Variants in FCHO2 observed in about 807,000 individuals in gnomAD.
The protein encoded by FCHO2 is FCH and mu domain containing endocytic adaptor 2, also known as F-BAR domain only protein 2.
Under a neutral mutation model 114.1 loss-of-function variants are expected in FCHO2, and 43 were observed. The ratio of observed to expected loss-of-function variants is 0.38; its 90% CI spans 0.30 to 0.49. The LOEUF (loss-of-function observed/expected upper bound fraction) is 0.49. FCHO2 is among the 20% of genes least tolerant of loss of function. The pLI is 0.97. For missense variants in FCHO2, 807 were observed against 950.4 expected (o/e 0.85, Z 1.98); for synonymous variants, 293 against 315.2 (o/e 0.93, Z 0.75).
chr5:73,041,316 G>A lies in FCHO2; in HGVS notation c.939+1G>A. 1 of 1,472,726 alleles carries A rather than the reference G, an allele frequency of 6.8e-7. No individual in the cohort carries two copies. The highest frequency in any genetic ancestry group is 9.4e-7 in the Non-Finnish European group (1 of 1,059,056). The allele number at this position is 1,472,726 out of a possible 1,614,324, so 91.2% of individuals were successfully genotyped here. On this transcript the variant is annotated splice_donor_variant, in intron 11 of 25. Transcript: ENST00000430046. LOFTEE classifies it high-confidence loss of function. ...GGAATGTCCTGATGCAGATTCATTGGTAAGTAGATTTAACTTTGATATAAA... is the reference window on the plus strand; with the variant it reads ...GGAATGTCCTGATGCAGATTCATTGATAAGTAGATTTAACTTTGATATAAA...
chr5:72,987,749 T>C (rs1753612211), intron 2 of FCHO2, among the ~76,000 whole-genome samples: 1 of 152,152 alleles, frequency 6.6e-6, no homozygotes, highest in Non-Finnish European at 1.5e-5. Flanking sequence ...ATTACTCTTG[T>C]AGTAATAGTA....
intron 10 of FCHO2, among the ~76,000 whole-genome samples, chr5:73,038,293 T>A (rs868450043): frequency 1.3e-5 from 2 of 152,186 alleles, no homozygotes; most frequent in Non-Finnish European, 2.9e-5. Flanking sequence ...GTTTTGCTCT[T>A]TTTTGTTTTA....
intron 7 of FCHO2, among the ~76,000 whole-genome samples, chr5:73,016,375 TA>T (rs1316214521): frequency 7.0e-6 from 1 of 141,922 alleles, no homozygotes; most frequent in Non-Finnish European, 1.5e-5. Context: ...ATTGTTTAAA[TA>T]TTAAAAAAGA....
intron 19 of FCHO2, among the ~76,000 whole-genome samples, chr5:73,070,855 T>G (rs1223339942): frequency 6.6e-6 from 1 of 152,052 alleles, no homozygotes; most frequent in Non-Finnish European, 1.5e-5. Flanking sequence ...TTGAAAATAT[T>G]TTCTTTTTCT....
intron 11 of FCHO2, among the ~76,000 whole-genome samples, chr5:73,048,987 C>T (rs1046347855): frequency 2.0e-5 from 3 of 150,376 alleles, no homozygotes; most frequent in Non-Finnish European, 3.0e-5. Flanking sequence ...CGCCATTCTC[C>T]TGCCTCAGCC....
At chr5:73,013,501 G>T (rs930729923) in intron 6 of FCHO2, among the ~76,000 whole-genome samples, 9 of 152,134 alleles carry the variant, frequency 5.9e-5, no homozygotes, top group African/African-American at 2.2e-4. Flanking sequence ...GTTTGAAAAT[G>T]GGTAGCTCAG....
Position 73,058,533 on chromosome 5 carries a change from A to T in FCHO2, c.1345+9A>T, listed in dbSNP as rs1358101808. ...AACTTCATCATCATCAGGTAAATAT[A>T]TATATGTATATATGTATTTTTTTAA... On this transcript the variant is annotated intron_variant, in intron 17 of 25. Coordinates refer to ENST00000430046, the MANE Select transcript of FCHO2 (RefSeq NM_138782.3). 1 of 982,472 alleles carries T rather than the reference A, an allele frequency of 1.0e-6. No homozygotes were observed. The highest frequency in any genetic ancestry group is 2.3e-5 in the South Asian group (1 of 43,324). The allele number at this position is 982,472 out of a possible 1,614,324, so 60.9% of individuals were successfully genotyped here.
At chr5:73,068,493 A>G (rs747995833) in intron 18 of FCHO2, among the ~76,000 whole-genome samples, 157 bp from the exon 19 acceptor site, 2 of 152,114 alleles carry the variant, frequency 1.3e-5, no homozygotes, top group Non-Finnish European at 2.9e-5. Flanking sequence ...GTATGTTCTT[A>G]AAAATGATAT....
chr5:73,061,278 G>A (rs1052584940), intron 17 of FCHO2, among the ~76,000 whole-genome samples: 1 of 151,962 alleles, frequency 6.6e-6, no homozygotes, highest in Non-Finnish European at 1.5e-5. Flanking sequence ...TGGACCTTCA[G>A]TTTTTCATAT....
intron 5 of FCHO2, among the ~76,000 whole-genome samples, chr5:72,992,504 C>T (rs1753859602): frequency 1.3e-5 from 2 of 152,138 alleles, no homozygotes; most frequent in Non-Finnish European, 2.9e-5. Context: ...CTAAAGTAGG[C>T]AGTGGGATTT....
chr5:73,054,487 AT>A, intron 14 of FCHO2, 37 bp from the exon 15 acceptor site: 1 of 1,511,638 alleles, frequency 6.6e-7, no homozygotes, highest in Non-Finnish European at 8.9e-7. Flanking sequence ...TATCAAATTC[AT>A]TTGTTTTATG....
intron 8 of FCHO2, among the ~76,000 whole-genome samples, chr5:73,024,732 C>T (rs189876753): frequency 7.9e-5 from 12 of 152,102 alleles, no homozygotes; most frequent in Non-Finnish European, 1.3e-4. Flanking sequence ...CCACCGCCCG[C>T]GGCCTAGCAG....
At chr5:73,054,255 T>A in intron 14 of FCHO2, 84 bp downstream of exon 14, 1 of 1,235,090 alleles carries the variant, frequency 8.1e-7, no homozygotes, top group Non-Finnish European at 1.1e-6. Context: ...ATATTTGTAT[T>A]AAATTTTTAG....
chr5:73,035,368 G>A (rs571589270), intron 9 of FCHO2, among the ~76,000 whole-genome samples: 15 of 152,194 alleles, frequency 9.9e-5, no homozygotes, highest in Admixed American at 2.6e-4. Flanking sequence ...GTGGTGAGCT[G>A]TGATTGTACC....
chr5:73,032,996 A>G (rs1561464165), intron 8 of FCHO2, among the ~76,000 whole-genome samples: 1 of 152,160 alleles, frequency 6.6e-6, no homozygotes, highest in South Asian at 2.1e-4. Flanking sequence ...TGCACATCTC[A>G]ATTTCTTTAC....
At chr5:73,041,905 G>A (rs1461483696) in intron 11 of FCHO2, among the ~76,000 whole-genome samples, 1 of 152,076 alleles carries the variant, frequency 6.6e-6, no homozygotes, top group Non-Finnish European at 1.5e-5. Context: ...TGTGTAGACA[G>A]ACATATTTTT....
intron 8 of FCHO2, chr5:73,020,616 G>T (rs1247078547): frequency 9.4e-6 from 7 of 741,782 alleles, no homozygotes; most frequent in Non-Finnish European, 1.2e-5. Context: ...TGATGGGTTG[G>T]AGGTGGGGTT....
intron 2 of FCHO2, among the ~76,000 whole-genome samples, chr5:72,971,473 G>A (rs529278218): frequency 1.3e-5 from 2 of 152,318 alleles, no homozygotes; most frequent in East Asian, 3.9e-4. Context: ...ATTTTTTCAT[G>A]TGTTTTTTGG....
At chr5:73,085,301 A>G (rs749542832) in intron 24 of FCHO2, among the ~76,000 whole-genome samples, 12 of 152,122 alleles carry the variant, frequency 7.9e-5, no homozygotes, top group Non-Finnish European at 1.5e-4. Flanking sequence ...GTGAGCCAAC[A>G]TCGCACCACT....
Sources: gnomAD v4.1 joint callset for allele counts (sites outside exome capture counted in the v4.1 genomes callset) on GRCh38, gnomAD v4.1.1 for gene constraint, MANE v1.5 for transcripts, NCBI Gene and HGNC (gene_info 2026-07-23, HGNC 2026-07-21) for gene names.